Variants in GALNT1 observed in about 807,000 individuals in gnomAD.
GALNT1 encodes the protein polypeptide N-acetylgalactosaminyltransferase 1.
A neutral mutation model predicts 65.7 loss-of-function variants in GALNT1; 17 were observed. The observed-to-expected ratio is 0.26, with a 90% CI of 0.18 to 0.39. The LOEUF (loss-of-function observed/expected upper bound fraction) is 0.39, where lower values mean the gene tolerates loss of function less well. Among genes scored for constraint, GALNT1 ranks in the 10% least tolerant of loss-of-function variants. GALNT1 has a pLI of 1.00. For synonymous variants in GALNT1, 210 were observed against 219.7 expected (o/e 0.96, Z 0.39); for missense variants, 460 against 672.8 (o/e 0.68, Z 3.50).
intron 1 of GALNT1, among the ~76,000 whole-genome samples, chr18:35,645,781 G>A (rs930363301): frequency 6.6e-6 from 1 of 152,092 alleles, no homozygotes; most frequent in Non-Finnish European, 1.5e-5. Flanking sequence ...CTGAAGTGAG[G>A]ATACATAACT....
At chr18:35,625,237 G>T (rs771250458) in intron 1 of GALNT1, among the ~76,000 whole-genome samples, 1 of 152,166 alleles carries the variant, frequency 6.6e-6, no homozygotes, top group Non-Finnish European at 1.5e-5. Context: ...ACTGGCACAC[G>T]GTGGGTGAAG....
At chr18:35,684,739 C>G (rs747242244) in intron 5 of GALNT1, among the ~76,000 whole-genome samples, 10 of 152,158 alleles carry the variant, frequency 6.6e-5, no homozygotes, top group Non-Finnish European at 1.0e-4. Context: ...TTGCAAATCT[C>G]GAAAAGAAGT....
At chr18:35,704,086 C>T (rs2048212908) in intron 11 of GALNT1, among the ~76,000 whole-genome samples, 1 of 152,192 alleles carries the variant, frequency 6.6e-6, no homozygotes, top group African/African-American at 2.4e-5. Context: ...TTGTCTGGAA[C>T]CTTTCTCTCC....
rs554965427 is a variant in GALNT1 at position 35,645,914 on chromosome 18, T to A, written c.-103-8646T>A. Reference sequence around the variant, plus strand: ...TGCTGAGTAATGAATTACCTAAAAATTTAATGGCTTTAAGCAATGAAGTTA... The same window carrying A: ...TGCTGAGTAATGAATTACCTAAAAAATTAATGGCTTTAAGCAATGAAGTTA... On this transcript the variant is annotated intron_variant, in intron 1 of 11. Transcript: ENST00000269195. 1.4e-4 allele frequency among the ~76,000 whole-genome samples: 21 copies of A among 152,336 alleles called. No homozygotes were observed. The South Asian group carries it at 4.4e-3, about 32-fold the overall frequency.
intron 3 of GALNT1, among the ~76,000 whole-genome samples, chr18:35,672,274 C>A (rs955782032): frequency 6.6e-6 from 1 of 152,242 alleles, no homozygotes; most frequent in Non-Finnish European, 1.5e-5. Flanking sequence ...GAAGCTGACT[C>A]CAAAGGGACT....
intron 9 of GALNT1, among the ~76,000 whole-genome samples, chr18:35,694,960 A>G (rs1264707900): frequency 6.6e-6 from 1 of 152,206 alleles, no homozygotes; most frequent in Non-Finnish European, 1.5e-5. Context: ...TAAGGCAGCT[A>G]GAATAGTCAA....
chr18:35,597,590 A>G (rs949586693), intron 1 of GALNT1: 1 of 152,460 alleles, frequency 6.6e-6, no homozygotes, highest in Admixed American at 6.5e-5. Context: ...CAGTCTTGTG[A>G]TATAGGCAGC....
At position 35,639,331 on chromosome 18, in the gene GALNT1, C is replaced by T. The variant is rs546141707; in HGVS notation, c.-103-15229C>T. ...AGACCCTCCACCAGCAAAAAAATTA[C>T]GATTCGCTGAAGGCAAAGATGATTG... On this transcript the variant is annotated intron_variant, in intron 1 of 11. Coordinates refer to ENST00000269195, the MANE Select transcript of GALNT1 (RefSeq NM_020474.4). 2.2e-4 allele frequency among the ~76,000 whole-genome samples: 34 copies of T among 152,296 alleles called. 1 individual carries two copies. Among genetic ancestry groups the T allele is most frequent in the Middle Eastern group, 6.8e-3 (2 of 294 alleles).
intron 11 of GALNT1, among the ~76,000 whole-genome samples, chr18:35,708,463 TAAGTTCTAATAGGTGC>T (rs2048301676): frequency 6.6e-6 from 1 of 152,226 alleles, no homozygotes; most frequent in South Asian, 2.1e-4. Context: ...GATTTTGTTT[TAAGTTCTAATAGGTGC>T]AAAAAAGGCC....
At chr18:35,610,289 C>T (rs1425626808) in intron 1 of GALNT1, among the ~76,000 whole-genome samples, 4 of 152,180 alleles carry the variant, frequency 2.6e-5, no homozygotes, top group Non-Finnish European at 5.9e-5. Flanking sequence ...TTCCAGGCTG[C>T]TTCTCATTGC....
intron 11 of GALNT1, among the ~76,000 whole-genome samples, chr18:35,707,919 G>C (rs1214048505): frequency 2.0e-5 from 3 of 152,198 alleles, no homozygotes; most frequent in African/African-American, 7.2e-5. Context: ...TGACTGCTCA[G>C]GACGTTGCCA....
At chr18:35,643,945 A>T (rs2047198156) in intron 1 of GALNT1, among the ~76,000 whole-genome samples, 1 of 152,172 alleles carries the variant, frequency 6.6e-6, no homozygotes, top group Admixed American at 6.5e-5. Flanking sequence ...TTGAACATAC[A>T]TTACTTTACA....
At chr18:35,707,055 C>A (rs1046505040) in intron 11 of GALNT1, among the ~76,000 whole-genome samples, 1 of 152,128 alleles carries the variant, frequency 6.6e-6, no homozygotes, top group African/African-American at 2.4e-5. Flanking sequence ...ATTCTAGATT[C>A]TCGATCCAGG....
At chr18:35,666,944 T>A (rs73948110) in intron 3 of GALNT1, among the ~76,000 whole-genome samples, 14,225 of 147,482 alleles carry the variant, frequency 0.096, 730 homozygotes, top group African/African-American at 0.15. Context: ...TAACCTTTTT[T>A]AAAAAAAAAA....
rs768702642 is a variant in GALNT1, at chr18:35,640,366, T to G, written c.-103-14194T>G. 1.1e-4 allele frequency among the ~76,000 whole-genome samples: 15 copies of G among 141,388 alleles called. No homozygotes were observed. The Admixed American group carries it at 1.1e-3, about 10-fold the overall frequency. The allele number at this position is 141,388 out of a possible 152,430, so 92.8% of individuals were successfully genotyped here. ...AAATACCATTTCAGGTAGGAAAAAA[T>G]TAAAGTAACAAGTATTTTCTAACAA... On this transcript the variant is annotated intron_variant, in intron 1 of 11. Coordinates refer to ENST00000269195, the MANE Select transcript of GALNT1 (RefSeq NM_020474.4).
chr18:35,683,352 C>T, intron 4 of GALNT1, 39 bp from the exon 5 acceptor site: 2 of 1,517,988 alleles, frequency 1.3e-6, no homozygotes, highest in Non-Finnish European at 1.8e-6. Flanking sequence ...TAGTGCCAGG[C>T]CACACTGGTT....
rs148932552 is a variant in GALNT1 at position 35,628,492 on chromosome 18, C to T, written c.-103-26068C>T. On this transcript the variant is annotated intron_variant, in intron 1 of 11. Coordinates refer to ENST00000269195, the MANE Select transcript of GALNT1 (RefSeq NM_020474.4). ...GGACCTCCAGCAAACTCCAAGAGAC[C>T]TGCAGCTGAGGGTCCTGACTGTTAG... Among the ~76,000 whole-genome samples, 436 of 152,322 alleles carry T rather than the reference C, an allele frequency of 2.9e-3. 1 individual carries two copies. Among genetic ancestry groups the T allele is most frequent in the African/African-American group, 9.7e-3 (402 of 41,564 alleles).
At chr18:35,601,813 T>C (rs2143961386) in intron 1 of GALNT1, among the ~76,000 whole-genome samples, 1 of 152,322 alleles carries the variant, frequency 6.6e-6, no homozygotes, top group Admixed American at 6.5e-5. Flanking sequence ...TTTGGTCTAG[T>C]GTAATTTATA....
intron 1 of GALNT1, among the ~76,000 whole-genome samples, chr18:35,594,608 T>G (rs550412626): frequency 6.6e-6 from 1 of 152,300 alleles, no homozygotes; most frequent in East Asian, 1.9e-4. Flanking sequence ...TATGTAAGGC[T>G]GAAAGGTCCA....
Sources: gnomAD v4.1 joint callset for allele counts (sites outside exome capture counted in the v4.1 genomes callset) on GRCh38, gnomAD v4.1.1 for gene constraint, MANE v1.5 for transcripts, NCBI Gene and HGNC (gene_info 2026-07-23, HGNC 2026-07-21) for gene names.